The following OSTF1 variants were observed in gnomAD, a reference collection of about 807,000 sequenced individuals.
OSTF1 encodes osteoclast stimulating factor 1.
In OSTF1, 27 loss-of-function variants were observed where a neutral mutation model predicts 37.2. That is an observed-to-expected ratio of 0.73 (90% confidence interval 0.54 to 1.00). The LOEUF (loss-of-function observed/expected upper bound fraction) is 1.00. OSTF1 is among the 50% of genes least tolerant of loss of function. The probability of loss-of-function intolerance (pLI) is 0.00; values close to 1 mark genes in which losing one functional copy is unlikely to be tolerated. For synonymous variants in OSTF1, 82 were observed against 89.2 expected (o/e 0.92, Z 0.46); for missense variants, 232 against 253.8 (o/e 0.91, Z 0.58).
intron 3 of OSTF1, among the ~76,000 whole-genome samples, chr9:75,128,294 A>T (rs1219615878): frequency 1.4e-5 from 2 of 142,798 alleles, no homozygotes; most frequent in African/African-American, 5.1e-5. Flanking sequence ...ACAGAGAGGA[A>T]ATATTCCAAG....
chr9:75,115,815 CA>C (rs1249115128), intron 1 of OSTF1, among the ~76,000 whole-genome samples: 1 of 151,888 alleles, frequency 6.6e-6, no homozygotes, highest in Non-Finnish European at 1.5e-5. Context: ...TAAAAAATAA[CA>C]ATATTGTTCA....
Position 75,099,157 on chromosome 9 carries a change from C to T in OSTF1, c.34+10431C>T, listed in dbSNP as rs757707116. ...TTCATCATGTTGGCCAGGCTGGTCT[C>T]GAACTCCTGATCTTAGGTAATCCAT... On this transcript the variant is annotated intron_variant, in intron 1 of 9. Coordinates refer to ENST00000346234, the MANE Select transcript of OSTF1 (RefSeq NM_012383.5). Among the ~76,000 whole-genome samples the T allele has an allele frequency of 5.9e-5, 9 of 151,782 alleles. No homozygotes were observed. The East Asian group carries it at 9.8e-4, about 16-fold the overall frequency.
intron 9 of OSTF1, among the ~76,000 whole-genome samples, chr9:75,142,549 G>A (rs969027530): frequency 6.6e-6 from 1 of 152,084 alleles, no homozygotes; most frequent in African/African-American, 2.4e-5. Flanking sequence ...ACCTCAGAGA[G>A]CTTACCCAGA....
At chr9:75,089,571 G>T (rs1194561416) in intron 1 of OSTF1, among the ~76,000 whole-genome samples, 1 of 152,064 alleles carries the variant, frequency 6.6e-6, no homozygotes, top group Non-Finnish European at 1.5e-5. Context: ...CATTCATTTG[G>T]GTAGGTAATT....
intron 1 of OSTF1, among the ~76,000 whole-genome samples, chr9:75,098,259 A>G (rs1223133495): frequency 6.6e-6 from 1 of 152,202 alleles, no homozygotes; most frequent in Non-Finnish European, 1.5e-5. Flanking sequence ...ATAGAAACAT[A>G]TGGAGGAATT....
chr9:75,133,932 C>G (rs879651464), intron 6 of OSTF1, among the ~76,000 whole-genome samples: 2 of 152,068 alleles, frequency 1.3e-5, no homozygotes, highest in African/African-American at 4.8e-5. Context: ...GCTTTTCTAC[C>G]TCTCTCTATA....
intron 9 of OSTF1, among the ~76,000 whole-genome samples, chr9:75,141,946 C>T (rs1483844590): frequency 2.0e-5 from 3 of 152,014 alleles, no homozygotes; most frequent in African/African-American, 7.2e-5. Flanking sequence ...AGGGGTCTTG[C>T]CATGTTGTCC....
At position 75,140,848 on chromosome 9, in the gene OSTF1, T is replaced by C. The variant is rs1037491392; in HGVS notation, c.502T>C (p.Leu168=). Residue 168 remains leucine (L), a synonymous_variant, in exon 9 of 10, where the codon TTA becomes CTA. Transcript: ENST00000346234. The stretch of plus-strand genomic sequence containing the variant: ...GTGTTGGGAAGGTGCTAGAACAGAC[T>C]TAAGAAACATTGAGAAGAAGCTGGC... ...LLLAKGARTD[L]RNIEKKLAFD... is the part of the protein sequence containing the mutation. 7 of 1,613,190 alleles carry C rather than the reference T, an allele frequency of 4.3e-6. No homozygotes were observed. The Middle Eastern group carries it at 4.9e-4, about 114-fold the overall frequency.
intron 1 of OSTF1, among the ~76,000 whole-genome samples, chr9:75,088,983 G>T (rs1266870036): frequency 6.6e-6 from 1 of 152,136 alleles, no homozygotes; most frequent in East Asian, 1.9e-4. Context: ...TTGCTACGTT[G>T]TCATTCGCTG....
intron 1 of OSTF1, among the ~76,000 whole-genome samples, chr9:75,095,382 G>C (rs146813999): frequency 2.0e-5 from 3 of 152,306 alleles, no homozygotes; most frequent in Admixed American, 1.3e-4. Context: ...CAGTGCTTGT[G>C]ATAGGAGATG....
intron 3 of OSTF1, among the ~76,000 whole-genome samples, chr9:75,129,441 C>T (rs1825730020): frequency 6.6e-6 from 1 of 152,138 alleles, no homozygotes; most frequent in African/African-American, 2.4e-5. Flanking sequence ...CACCATCTTG[C>T]AGCCTCTAGG....
intron 1 of OSTF1, among the ~76,000 whole-genome samples, chr9:75,113,488 G>A (rs117057604): frequency 0.049 from 7,202 of 146,382 alleles, 223 homozygotes; most frequent in Middle Eastern, 0.085. Flanking sequence ...TTGCTCTCTC[G>A]CCCAAGCTGG....
intron 1 of OSTF1, among the ~76,000 whole-genome samples, chr9:75,093,060 C>CTTTTTT (rs1433476660): frequency 2.0e-4 from 27 of 134,960 alleles, no homozygotes; most frequent in African/African-American, 7.7e-4. Context: ...CTCTTTCTTT[C>CTTTTTT]TTTCTTTTTT....
chr9:75,141,582 C>T (rs79626144), intron 9 of OSTF1, among the ~76,000 whole-genome samples: 5,465 of 152,140 alleles, frequency 0.036, 128 homozygotes, highest in African/African-American at 0.062. Flanking sequence ...GTGATTACCA[C>T]TAAATATTTT....
chr9:75,119,789 A>C (rs1221142066), intron 2 of OSTF1, among the ~76,000 whole-genome samples: 1 of 152,060 alleles, frequency 6.6e-6, no homozygotes, highest in African/African-American at 2.4e-5. Context: ...ACATGGTGAA[A>C]CCCATCTCTA....
chr9:75,098,568 G>T (rs910131527), intron 1 of OSTF1, among the ~76,000 whole-genome samples: 17 of 152,222 alleles, frequency 1.1e-4, no homozygotes, highest in African/African-American at 3.4e-4. Flanking sequence ...AGATACTGAA[G>T]ACTTTTATGT....
intron 1 of OSTF1, among the ~76,000 whole-genome samples, chr9:75,115,664 T>G (rs1213335421): frequency 1.4e-5 from 2 of 138,962 alleles, no homozygotes; most frequent in Admixed American, 6.9e-5. Flanking sequence ...TTGTTTTTTG[T>G]TTTTTTTTGC....
chr9:75,147,107 G>T lies in OSTF1; in HGVS notation c.*366G>T, dbSNP rs1385649535. 6.7e-6 allele frequency: 1 copy of T among 148,216 alleles called. No homozygotes were observed. Among genetic ancestry groups the T allele is most frequent in the African/African-American group, 2.7e-5 (1 of 37,722 alleles). 9.2% of individuals were successfully genotyped at this position (148,216 alleles called of 1,614,324 possible). On this transcript the variant is annotated 3_prime_UTR_variant, in exon 10 of 10. Coordinates refer to ENST00000346234, the MANE Select transcript of OSTF1 (RefSeq NM_012383.5). ...GAGATATTTTGAATGGATTTTTCAA[G>T]GGGGGGAAATGCTTATTATAATAAT...
At chr9:75,098,938 T>C (rs370472402) in intron 1 of OSTF1, among the ~76,000 whole-genome samples, 2 of 152,306 alleles carry the variant, frequency 1.3e-5, no homozygotes, top group African/African-American at 4.8e-5. Context: ...TCTTTTTTAT[T>C]TACTTATTTA....
Sources: allele counts gnomAD v4.1 joint callset (sites outside exome capture counted in the v4.1 genomes callset), GRCh38; gene constraint gnomAD v4.1.1; transcripts MANE v1.5; gene names NCBI Gene and HGNC (gene_info 2026-07-23, HGNC 2026-07-21).